NKAIN3: variants seen among roughly 807,000 people sequenced by gnomAD.
NKAIN3 encodes the protein sodium/potassium transporting ATPase interacting 3.
A neutral mutation model predicts 30.2 loss-of-function variants in NKAIN3; 25 were observed. The observed-to-expected ratio is 0.83, with a 90% CI of 0.60 to 1.16. NKAIN3 has a LOEUF of 1.16. NKAIN3 is among the 50% of genes most tolerant of loss of function. The pLI is 0.00. For missense variants in NKAIN3, 225 were observed against 254.1 expected (o/e 0.89, Z 0.78); for synonymous variants, 91 against 89.6 (o/e 1.02, Z -0.09).
intron 1 of NKAIN3, among the ~76,000 whole-genome samples, chr8:62,410,982 A>T (rs1343162205): frequency 6.6e-6 from 1 of 152,182 alleles, no homozygotes; most frequent in East Asian, 1.9e-4. Flanking sequence ...GCTGGTGCCA[A>T]TCCTACTGAA....
At chr8:62,465,206 G>C (rs892072785) in intron 1 of NKAIN3, among the ~76,000 whole-genome samples, 2 of 152,068 alleles carry the variant, frequency 1.3e-5, no homozygotes, top group Non-Finnish European at 1.5e-5. Flanking sequence ...TGTATACGTT[G>C]CAAGTAACAT....
At chr8:62,726,199 T>C (rs555954356) in intron 3 of NKAIN3, among the ~76,000 whole-genome samples, 2 of 152,242 alleles carry the variant, frequency 1.3e-5, no homozygotes, top group South Asian at 4.1e-4. Context: ...ATTCTACAAC[T>C]TTACTGAATT....
intron 1 of NKAIN3, among the ~76,000 whole-genome samples, chr8:62,566,405 C>T (rs1271315158): frequency 6.6e-6 from 1 of 151,936 alleles, no homozygotes; most frequent in African/African-American, 2.4e-5. Context: ...CTGCCATTCA[C>T]CTTTGTACTC....
At chr8:62,780,644 G>A (rs1182367610) in intron 4 of NKAIN3, among the ~76,000 whole-genome samples, 1 of 151,982 alleles carries the variant, frequency 6.6e-6, no homozygotes, top group Non-Finnish European at 1.5e-5. Context: ...ATGAAAATCA[G>A]TAATTGTGAT....
At chr8:62,264,720 A>G (rs996360882) in intron 1 of NKAIN3, among the ~76,000 whole-genome samples, 2 of 152,146 alleles carry the variant, frequency 1.3e-5, no homozygotes, top group African/African-American at 4.8e-5. Context: ...TTCTATTCCA[A>G]TTTTTATGAT....
intron 3 of NKAIN3, among the ~76,000 whole-genome samples, chr8:62,699,597 A>G (rs947247317): frequency 6.6e-6 from 1 of 152,166 alleles, no homozygotes; most frequent in Admixed American, 6.5e-5. Flanking sequence ...CTCTTAGTTG[A>G]ACTTAAGATC....
chr8:62,811,677 T>A (rs1475409218), intron 4 of NKAIN3, among the ~76,000 whole-genome samples: 7 of 152,060 alleles, frequency 4.6e-5, no homozygotes, highest in Non-Finnish European at 8.8e-5. Flanking sequence ...TCCTCTTTGG[T>A]AAAATGTCTA....
chr8:62,339,988 T>C (rs768760470), intron 1 of NKAIN3, among the ~76,000 whole-genome samples: 32 of 151,996 alleles, frequency 2.1e-4, no homozygotes, highest in Non-Finnish European at 7.4e-5. Context: ...TTAGGACAAA[T>C]AGGTTTAATA....
chr8:62,284,980 G>A (rs188071432), intron 1 of NKAIN3, among the ~76,000 whole-genome samples: 1 of 152,194 alleles, frequency 6.6e-6, no homozygotes, highest in Non-Finnish European at 1.5e-5. Flanking sequence ...AAATAGCAAA[G>A]CAGTTTTTTA....
At chr8:62,780,023 C>T (rs1817309415) in intron 4 of NKAIN3, among the ~76,000 whole-genome samples, 1 of 151,708 alleles carries the variant, frequency 6.6e-6, no homozygotes, top group South Asian at 2.1e-4. Context: ...AAGTTGGTTC[C>T]TAGAAAAGAT....
chr8:62,497,112 G>A (rs1386625824), intron 1 of NKAIN3, among the ~76,000 whole-genome samples: 1 of 151,974 alleles, frequency 6.6e-6, no homozygotes, highest in African/African-American at 2.4e-5. Flanking sequence ...TGGAAAAGAC[G>A]TTGTTTCTTC....
intron 4 of NKAIN3, chr8:62,855,075 G>T: frequency 6.5e-6 from 1 of 153,446 alleles, no homozygotes; most frequent in Non-Finnish European, 1.4e-5. Context: ...TTGTTTGTTT[G>T]TTTGTGTTCA....
downstream of NKAIN3, among the ~76,000 whole-genome samples, chr8:62,989,451 C>T (rs1824272012): frequency 6.6e-6 from 1 of 152,312 alleles, no homozygotes; most frequent in African/African-American, 2.4e-5. Flanking sequence ...AGGAAGAGAG[C>T]TTGTGTAGGG....
chr8:62,360,286 C>A (rs147751908), intron 1 of NKAIN3, among the ~76,000 whole-genome samples: 197 of 152,270 alleles, frequency 1.3e-3, no homozygotes, highest in African/African-American at 4.3e-3. Context: ...GTGTCTAAAT[C>A]CCTGATTATG....
chr8:62,372,458 T>C (rs2129593378), intron 1 of NKAIN3, among the ~76,000 whole-genome samples: 1 of 152,094 alleles, frequency 6.6e-6, no homozygotes, highest in South Asian at 2.1e-4. Flanking sequence ...TATGGTATTC[T>C]TCTTGAATGA....
chr8:62,287,394 A>T (rs1391654814), intron 1 of NKAIN3, among the ~76,000 whole-genome samples: 1 of 152,000 alleles, frequency 6.6e-6, no homozygotes, highest in Admixed American at 6.6e-5. Context: ...TTGAGCAGCA[A>T]TGTGAACTAG....
intron 1 of NKAIN3, among the ~76,000 whole-genome samples, chr8:62,484,096 T>C (rs762465314): frequency 1.3e-5 from 2 of 152,244 alleles, no homozygotes; most frequent in Admixed American, 6.5e-5. Flanking sequence ...AGCTCTGTAC[T>C]GGCTTCCTGT....
chr8:62,959,221 T>C (rs1585623262), intron 6 of NKAIN3, among the ~76,000 whole-genome samples: 1 of 152,136 alleles, frequency 6.6e-6, no homozygotes, highest in African/African-American at 2.4e-5. Flanking sequence ...CTGCAGGTAC[T>C]TTCACTGCCT....
At chr8:62,915,139 C>T (rs186681542) in intron 4 of NKAIN3, among the ~76,000 whole-genome samples, 163 of 152,200 alleles carry the variant, frequency 1.1e-3, no homozygotes, top group African/African-American at 3.6e-3. Flanking sequence ...GAACCTGCTG[C>T]GAGTCTAAAT....
Sources: allele counts gnomAD v4.1 joint callset (sites outside exome capture counted in the v4.1 genomes callset), GRCh38; gene constraint gnomAD v4.1.1; transcripts MANE v1.5; gene names NCBI Gene and HGNC (gene_info 2026-07-23, HGNC 2026-07-21).